Variants in KCNQ1 observed in about 807,000 individuals in gnomAD.
KCNQ1 encodes the protein potassium voltage-gated channel subfamily Q member 1.
KCNQ1 carries 49 observed loss-of-function variants against 72.4 expected under a neutral mutation model. That is an observed-to-expected ratio of 0.68 (90% CI 0.54 to 0.86). KCNQ1 has a LOEUF of 0.86. KCNQ1 is among the 40% of genes least tolerant of loss of function. KCNQ1 has a pLI of 0.00. For synonymous variants in KCNQ1, 450 were observed against 412.6 expected (o/e 1.09, Z -1.10); for missense variants, 790 against 945.1 (o/e 0.84, Z 2.15).
intron 11 of KCNQ1, among the ~76,000 whole-genome samples, chr11:2,754,342 C>T (rs1315483174): frequency 1.3e-5 from 2 of 152,256 alleles, no homozygotes; most frequent in East Asian, 3.8e-4. Flanking sequence ...CTCTCACCTG[C>T]AGCCCAGGCA....
intron 11 of KCNQ1, chr11:2,700,110 T>C (rs1019204389): frequency 5.0e-6 from 2 of 397,366 alleles, no homozygotes; most frequent in African/African-American, 2.1e-5. Context: ...GCTGCACGGA[T>C]TGGCTGGGTG....
At position 2,785,183 on chromosome 11, in the gene KCNQ1, A is replaced by C. The variant is rs1846889034; in HGVS notation, c.1794+7146A>C. Among the ~76,000 whole-genome samples the C allele has an allele frequency of 6.6e-6, 1 of 151,946 alleles. No homozygotes were observed. Among genetic ancestry groups the C allele is most frequent in the African/African-American group, 2.4e-5 (1 of 41,436 alleles). ...ATTTCCTTCTATTTTTAGTGTGTTG[A>C]GAGCTCTCATTATGAATGGATATTG... On this transcript the variant is annotated intron_variant, in intron 15 of 15. Coordinates refer to ENST00000155840, the MANE Select transcript of KCNQ1 (RefSeq NM_000218.3). This position sits in a 1 kb window ranked among gnomAD's most constrained non-coding sequence, Gnocchi z 4.4.
Position 2,642,128 on chromosome 11 carries a change from T to C in KCNQ1, c.1394-19833T>C. 2.5e-6 allele frequency: 1 copy of C among 398,452 alleles called. No homozygotes were observed. The highest frequency in any genetic ancestry group is 4.4e-6 in the Non-Finnish European group (1 of 225,964). The allele number at this position is 398,452 out of a possible 1,614,324, so 24.7% of individuals were successfully genotyped here. A position where few individuals can be genotyped will look rare whatever the true frequency, so the allele number is the denominator to read the frequency against. ...AGCTCTTTTTTGGTTCCATCTGAAT[T>C]TTAGGATTTTTTCTATTTCCATGAA... is the stretch of plus-strand genomic sequence containing the variant. On this transcript the variant is annotated intron_variant, in intron 10 of 15. Coordinates refer to ENST00000155840, the MANE Select transcript of KCNQ1 (RefSeq NM_000218.3). The surrounding 1 kb of genome is among the most constrained non-coding windows in gnomAD (Gnocchi z 4.3).
chr11:2,485,394 T>A (rs1564794523), intron 1 of KCNQ1, among the ~76,000 whole-genome samples: 1 of 112,442 alleles, frequency 8.9e-6, no homozygotes, highest in Non-Finnish European at 1.7e-5. Flanking sequence ...CAAAACCAGC[T>A]CTTCAGCCTT....
rs144985256 is a variant in KCNQ1 at position 2,588,793 on chromosome 11, G to T, written c.1332G>T (p.Thr444=). The change falls in exon 10 of 16, where the codon ACG becomes ACT. Residue 444 remains threonine, a synonymous_variant. Coordinates refer to ENST00000155840, the MANE Select transcript of KCNQ1 (RefSeq NM_000218.3). This position sits in a 1 kb window ranked among gnomAD's most constrained non-coding sequence, Gnocchi z 5.6. ...AGATGCTCACAGTCCCCCATATCAC[G>T]TGCGACCCCCCAGAAGAGCGGCGGC... ...GEKMLTVPHI[T]CDPPEERRLD... 3.1e-6 allele frequency: 5 copies of T among 1,613,252 alleles called. No homozygotes were observed. The highest frequency in any genetic ancestry group is 3.4e-6 in the Non-Finnish European group (4 of 1,179,938).
chr11:2,564,076 A>C lies in KCNQ1; in HGVS notation c.478-6552A>C, dbSNP rs1401859837. ...CGGGCCAGGGCCCCTCGAGGCACTC[A>C]TTTCAGTATCAGAGAACACACATAA... On this transcript the variant is annotated intron_variant, in intron 2 of 15. Coordinates refer to ENST00000155840, the MANE Select transcript of KCNQ1 (RefSeq NM_000218.3). This position sits in a 1 kb window ranked among gnomAD's most constrained non-coding sequence, Gnocchi z 4.5. Among the ~76,000 whole-genome samples, 1 of 152,232 alleles carries C rather than the reference A, an allele frequency of 6.6e-6. No homozygotes were observed. The highest frequency in any genetic ancestry group is 1.9e-4 in the East Asian group (1 of 5,188).
At position 2,486,343 on chromosome 11, in the gene KCNQ1, G is replaced by A. The variant is rs142535426; in HGVS notation, c.386+40859G>A. Among the ~76,000 whole-genome samples, 41 of 152,256 alleles carry A rather than the reference G, an allele frequency of 2.7e-4. 1 individual carries two copies. The East Asian group carries it at 7.7e-3, about 29-fold the overall frequency. On this transcript the variant is annotated intron_variant, in intron 1 of 15. Transcript: ENST00000155840. This position sits in a 1 kb window ranked among gnomAD's most constrained non-coding sequence, Gnocchi z 5.0. ...TCTTTTGCCCACTTCATTAAATTGA[G>A]AGGTTTGTTTTTGCTGTTGAGTTTT... is the stretch of plus-strand genomic sequence containing the variant.
chr11:2,683,670 A>G lies in KCNQ1; in HGVS notation c.1514+21589A>G. 2 of 398,556 alleles carry G rather than the reference A, an allele frequency of 5.0e-6. No individual in the cohort carries two copies. The highest frequency in any genetic ancestry group is 4.4e-5 in the Admixed American group (1 of 22,728). The allele number at this position is 398,556 out of a possible 1,614,324, so 24.7% of individuals were successfully genotyped here. A position where few individuals can be genotyped will look rare whatever the true frequency, so the allele number is the denominator to read the frequency against. Reference sequence around the variant, plus strand: ...GAACATCCCTTACTTTCCCATCTCAATACAACTGTGAAAAGCCTAGCCTGG... The same window carrying G: ...GAACATCCCTTACTTTCCCATCTCAGTACAACTGTGAAAAGCCTAGCCTGG... On this transcript the variant is annotated intron_variant, in intron 11 of 15. Coordinates refer to ENST00000155840, the MANE Select transcript of KCNQ1 (RefSeq NM_000218.3). The surrounding 1 kb of genome is among the most constrained non-coding windows in gnomAD (Gnocchi z 4.7).
chr11:2,482,641 C>T lies in KCNQ1; in HGVS notation c.386+37157C>T, dbSNP rs1846669911. Among the ~76,000 whole-genome samples, 1 of 152,098 alleles carries T rather than the reference C, an allele frequency of 6.6e-6. No individual in the cohort carries two copies. The highest frequency in any genetic ancestry group is 2.4e-5 in the African/African-American group (1 of 41,404). On this transcript the variant is annotated intron_variant, in intron 1 of 15. Coordinates refer to ENST00000155840, the MANE Select transcript of KCNQ1 (RefSeq NM_000218.3). The surrounding 1 kb of genome is among the most constrained non-coding windows in gnomAD (Gnocchi z 5.7). ...TGTGCTGCTGGACATCACTGACTCCCCCCGCCAACCCCCACCCCACACTGC... is the reference window on the plus strand; with the variant it reads ...TGTGCTGCTGGACATCACTGACTCCTCCCGCCAACCCCCACCCCACACTGC...
intron 2 of KCNQ1, among the ~76,000 whole-genome samples, chr11:2,535,148 C>T (rs942486640): frequency 6.6e-6 from 1 of 152,254 alleles, no homozygotes; most frequent in Non-Finnish European, 1.5e-5. Flanking sequence ...GCCTGGAGCC[C>T]ACCCCAGGGA....
chr11:2,783,643 C>T lies in KCNQ1; in HGVS notation c.1794+5606C>T, dbSNP rs1394905640. On this transcript the variant is annotated intron_variant, in intron 15 of 15. Transcript: ENST00000155840. This position sits in a 1 kb window ranked among gnomAD's most constrained non-coding sequence, Gnocchi z 5.2. Reference sequence around the variant, plus strand: ...TCACCAGTAAAGTATAAAGGTTCCACTTTCTCCACAGCCTTGCAAATACAT... The same window carrying T: ...TCACCAGTAAAGTATAAAGGTTCCATTTTCTCCACAGCCTTGCAAATACAT... Among the ~76,000 whole-genome samples the T allele has an allele frequency of 2.0e-5, 3 of 152,062 alleles. No individual in the cohort carries two copies. Among genetic ancestry groups the T allele is most frequent in the Non-Finnish European group, 4.4e-5 (3 of 67,902 alleles).
intron 11 of KCNQ1, among the ~76,000 whole-genome samples, chr11:2,744,506 A>T (rs994356160): frequency 2.0e-5 from 3 of 152,248 alleles, no homozygotes; most frequent in Admixed American, 6.5e-5. Context: ...CAGAGCCGGC[A>T]CATGAGGTGG....
chr11:2,577,090 C>T (rs1212469842), intron 6 of KCNQ1, among the ~76,000 whole-genome samples: 1 of 152,254 alleles, frequency 6.6e-6, no homozygotes. Flanking sequence ...GCAACCGATC[C>T]CTCTGCTGCG....
In KCNQ1 at chr11:2,600,803, C is replaced by T. The variant is rs1164795210; in HGVS notation, c.1393+11949C>T. ...TTTCTAGTCTCTTTCTCTGTTATGA[C>T]ACTGATATTTTTTAAAGATACAGTC... On this transcript the variant is annotated intron_variant, in intron 10 of 15. Coordinates refer to ENST00000155840, the MANE Select transcript of KCNQ1 (RefSeq NM_000218.3). The surrounding 1 kb of genome is among the most constrained non-coding windows in gnomAD (Gnocchi z 5.6). Among the ~76,000 whole-genome samples, 3 of 152,030 alleles carry T rather than the reference C, an allele frequency of 2.0e-5. No individual in the cohort carries two copies. The highest frequency in any genetic ancestry group is 6.5e-5 in the Admixed American group (1 of 15,270).
Position 2,676,063 on chromosome 11 carries a change from T to C in KCNQ1, c.1514+13982T>C, listed in dbSNP as rs1850288020. 1 of 398,550 alleles carries C rather than the reference T, an allele frequency of 2.5e-6. No individual in the cohort carries two copies. 24.7% of individuals were successfully genotyped at this position (398,550 alleles called of 1,614,324 possible). A position where few individuals can be genotyped will look rare whatever the true frequency, so the allele number is the denominator to read the frequency against. On this transcript the variant is annotated intron_variant, in intron 11 of 15. Transcript: ENST00000155840. This position sits in a 1 kb window ranked among gnomAD's most constrained non-coding sequence, Gnocchi z 4.2. ...TTCCTATTGCATCTTTCCAGACGTATTTTATATAAACAAATATACGTGTGT... is the reference window on the plus strand; with the variant it reads ...TTCCTATTGCATCTTTCCAGACGTACTTTATATAAACAAATATACGTGTGT...
In KCNQ1 at chr11:2,734,428, TC is replaced by T. The variant is rs1195677339; in HGVS notation, c.1515-34412del. Among the ~76,000 whole-genome samples the T allele has an allele frequency of 1.3e-5, 2 of 152,076 alleles. No individual in the cohort carries two copies. The highest frequency in any genetic ancestry group is 4.8e-5 in the African/African-American group (2 of 41,392). The stretch of plus-strand genomic sequence containing the variant: ...GCCACCGCAGGTCGGGGGAGCACTG[TC>T]CCCGGGGCCCCGCAGCCAGCTGTGC... On this transcript the variant is annotated intron_variant, in intron 11 of 15. Coordinates refer to ENST00000155840, the MANE Select transcript of KCNQ1 (RefSeq NM_000218.3). This position sits in a 1 kb window ranked among gnomAD's most constrained non-coding sequence, Gnocchi z 7.0.
chr11:2,702,068 G>T (rs1285452662), intron 11 of KCNQ1, among the ~76,000 whole-genome samples: 1 of 152,192 alleles, frequency 6.6e-6, no homozygotes, highest in Non-Finnish European at 1.5e-5. Context: ...GGCCTCCTCT[G>T]GCCTTCCTCA....
Position 2,695,857 on chromosome 11 carries a change from ATC to A in KCNQ1, c.1514+33778_1514+33779del. The A allele has an allele frequency of 2.5e-6, 1 of 398,562 alleles. No homozygotes were observed. The highest frequency in any genetic ancestry group is 3.6e-5 in the East Asian group (1 of 28,078). The allele number at this position is 398,562 out of a possible 1,614,324, so 24.7% of individuals were successfully genotyped here. A position where few individuals can be genotyped will look rare whatever the true frequency, so the allele number is the denominator to read the frequency against. ...AACTGATTAGCTTGGGCAAATTTTC[ATC>A]TGTTTGTTAACCCTCCTGCAAACTG... On this transcript the variant is annotated intron_variant, in intron 11 of 15. Coordinates refer to ENST00000155840, the MANE Select transcript of KCNQ1 (RefSeq NM_000218.3). This position sits in a 1 kb window ranked among gnomAD's most constrained non-coding sequence, Gnocchi z 5.2.
At chr11:2,778,642 G>A (rs896573731) in intron 15 of KCNQ1, among the ~76,000 whole-genome samples, 12 of 151,998 alleles carry the variant, frequency 7.9e-5, no homozygotes, top group Non-Finnish European at 1.3e-4. Context: ...TGGGCGGTGG[G>A]AGGGCCTTTC....
Sources: allele counts gnomAD v4.1 joint callset (sites outside exome capture counted in the v4.1 genomes callset), GRCh38; gene constraint gnomAD v4.1.1; non-coding constraint Gnocchi (gnomAD v3.1); transcripts MANE v1.5; gene names NCBI Gene and HGNC (gene_info 2026-07-23, HGNC 2026-07-21).